OSBPL6: variants seen among roughly 807,000 people sequenced by gnomAD.
OSBPL6 encodes the protein oxysterol-binding protein-related protein 6.
OSBPL6 carries 49 observed loss-of-function variants against 125.8 expected under a neutral mutation model. The observed-to-expected ratio is 0.39, with a 90% CI of 0.31 to 0.49. The LOEUF is 0.49. Ranked by LOEUF, OSBPL6 falls within the 20% of genes least tolerant of loss-of-function variation. The probability of loss-of-function intolerance (pLI) is 0.88; values close to 1 mark genes in which losing one functional copy is unlikely to be tolerated. For synonymous variants in OSBPL6, 394 were observed against 391.8 expected (o/e 1.01, Z -0.07); for missense variants, 986 against 1,135.4 (o/e 0.87, Z 1.89).
At chr2:178,255,077 G>A (rs2091836872) in intron 1 of OSBPL6, among the ~76,000 whole-genome samples, 1 of 152,228 alleles carries the variant, frequency 6.6e-6, no homozygotes, top group African/African-American at 2.4e-5. Context: ...GCCAAGGTGG[G>A]CAGATCACCT....
chr2:178,220,028 C>T (rs1215823919), intron 1 of OSBPL6, among the ~76,000 whole-genome samples: 1 of 152,084 alleles, frequency 6.6e-6, no homozygotes, highest in African/African-American at 2.4e-5. Flanking sequence ...CTGGAGATAT[C>T]GACAGAGGAT....
At chr2:178,224,442 C>G (rs1312330807) in intron 1 of OSBPL6, among the ~76,000 whole-genome samples, 1 of 152,142 alleles carries the variant, frequency 6.6e-6, no homozygotes, top group African/African-American at 2.4e-5. Context: ...TATTTTTTCA[C>G]TGAAACAGCC....
chr2:178,255,993 G>A (rs1463967525), intron 1 of OSBPL6, among the ~76,000 whole-genome samples: 1 of 152,178 alleles, frequency 6.6e-6, no homozygotes, highest in African/African-American at 2.4e-5. Context: ...GGGGGTTGGA[G>A]GGCAGCAAAT....
intron 2 of OSBPL6, 73 bp downstream of exon 2, chr2:178,285,194 TTA>T: frequency 2.5e-6 from 1 of 396,912 alleles, no homozygotes; most frequent in Non-Finnish European, 4.4e-6. Flanking sequence ...TAGCAACAGA[TTA>T]GTGGGACACC....
At chr2:178,310,382 C>G (rs1687153130) in intron 3 of OSBPL6, among the ~76,000 whole-genome samples, 2 of 150,530 alleles carry the variant, frequency 1.3e-5, no homozygotes, top group Admixed American at 1.3e-4. Context: ...TAAGAAAGCA[C>G]CTTAAGTTTA....
At chr2:178,223,185 C>T (rs1257408450) in intron 1 of OSBPL6, among the ~76,000 whole-genome samples, 1 of 152,198 alleles carries the variant, frequency 6.6e-6, no homozygotes, top group East Asian at 1.9e-4. Context: ...AAAGTTTACT[C>T]TGATTCTCTA....
intron 12 of OSBPL6, among the ~76,000 whole-genome samples, chr2:178,350,032 C>T (rs918855506): frequency 3.3e-5 from 5 of 152,246 alleles, no homozygotes; most frequent in Non-Finnish European, 7.3e-5. Flanking sequence ...TCAAGGCCAG[C>T]TCTGGAACTG....
chr2:178,325,278 G>A (rs1392002485), intron 4 of OSBPL6, among the ~76,000 whole-genome samples: 1 of 152,134 alleles, frequency 6.6e-6, no homozygotes, highest in African/African-American at 2.4e-5. Flanking sequence ...TTCTAAATAT[G>A]TAAAACTGAT....
chr2:178,324,885 C>G (rs1292547620), intron 4 of OSBPL6, among the ~76,000 whole-genome samples: 2 of 152,178 alleles, frequency 1.3e-5, no homozygotes, highest in Non-Finnish European at 1.5e-5. Context: ...TCAGCTCTTC[C>G]CAAGCTGCAA....
At chr2:178,246,781 A>T (rs1247954633) in intron 1 of OSBPL6, among the ~76,000 whole-genome samples, 1 of 152,118 alleles carries the variant, frequency 6.6e-6, no homozygotes, top group Non-Finnish European at 1.5e-5. Flanking sequence ...CACTCCAGAA[A>T]GTCTTCCATT....
Position 178,384,097 on chromosome 2 carries a change from G to T in OSBPL6, c.1934G>T (p.Ser645Ile). ...GYCSTYFRAG[S>I]KPFNPVLGET... is the part of the protein sequence containing the mutation. ...TGCTCCACCTATTTCAGAGCAGGAA[G>T]TAAGCCATTCAACCCAGTCCTTGGG... is the stretch of plus-strand genomic sequence containing the variant. The change falls in exon 18 of 25, where the codon AGT becomes ATT. Residue 645 changes from serine to isoleucine, a missense_variant. Coordinates refer to ENST00000190611, the MANE Select transcript of OSBPL6 (RefSeq NM_032523.4). 1 of 1,614,134 alleles carries T rather than the reference G, an allele frequency of 6.2e-7. No homozygotes were observed. Among genetic ancestry groups the T allele is most frequent in the Non-Finnish European group, 8.5e-7 (1 of 1,179,992 alleles).
intron 3 of OSBPL6, chr2:178,320,166 T>C: frequency 1.6e-6 from 2 of 1,266,072 alleles, no homozygotes; most frequent in South Asian, 1.6e-5. Flanking sequence ...CATTCAGCTA[T>C]TATTAAGTGT....
chr2:178,284,893 GATGTACTAT>G, intron 1 of OSBPL6, 25 bp from the exon 2 acceptor site: 1 of 396,204 alleles, frequency 2.5e-6, no homozygotes, highest in Non-Finnish European at 4.4e-6. Context: ...GTTTTGTAAA[GATGTACTAT>G]ATGACTGTAA....
intron 1 of OSBPL6, among the ~76,000 whole-genome samples, chr2:178,225,214 GA>G (rs1465647914): frequency 2.0e-5 from 3 of 148,894 alleles, no homozygotes; most frequent in African/African-American, 7.5e-5. Context: ...GCTGACCACA[GA>G]ACCCTTGGTC....
intron 11 of OSBPL6, chr2:178,344,264 CT>C: frequency 1.2e-6 from 2 of 1,606,920 alleles, no homozygotes; most frequent in Non-Finnish European, 1.7e-6. Context: ...GTTTCCTCCC[CT>C]CTTCTCCCAT....
chr2:178,210,513 A>G (rs2089797755), intron 1 of OSBPL6, among the ~76,000 whole-genome samples: 1 of 152,140 alleles, frequency 6.6e-6, no homozygotes, highest in Admixed American at 6.5e-5. Context: ...TGGACATAAA[A>G]ATGACTCTTC....
rs137879178 is a variant in OSBPL6 at position 178,344,341 on chromosome 2, C to T, written c.987+4577C>T. 756 of 1,613,964 alleles carry T rather than the reference C, an allele frequency of 4.7e-4. 1 individual carries two copies. Among genetic ancestry groups the T allele is most frequent in the Admixed American group, 6.7e-4 (40 of 59,986 alleles). On this transcript the variant is annotated intron_variant, in intron 11 of 24. Transcript: ENST00000190611. ...ACAACTCGGCGCCGGCAGAGGCTAG[C>T]GGCAGCAGTGGCTACAACAGTGAGT...
chr2:178,195,479 A>C (rs1559102773), intron 1 of OSBPL6, among the ~76,000 whole-genome samples: 1 of 152,252 alleles, frequency 6.6e-6, no homozygotes, highest in Non-Finnish European at 1.5e-5. Flanking sequence ...GTAATGACAC[A>C]AGCGGATTTT....
At chr2:178,359,589 A>G (rs534686485) in intron 12 of OSBPL6, among the ~76,000 whole-genome samples, 1 of 152,324 alleles carries the variant, frequency 6.6e-6, no homozygotes, top group Non-Finnish European at 1.5e-5. Flanking sequence ...CCTGTTGTAA[A>G]GTTATCTGCA....
Sources: allele counts gnomAD v4.1 joint callset (sites outside exome capture counted in the v4.1 genomes callset), GRCh38; gene constraint gnomAD v4.1.1; transcripts MANE v1.5; gene names NCBI Gene and HGNC (gene_info 2026-07-23, HGNC 2026-07-21).